The following C12orf60 variants were observed in gnomAD, a reference collection of about 807,000 sequenced individuals.
The protein encoded by C12orf60 is chromosome 12 open reading frame 60, also known as uncharacterized protein C12orf60.
For synonymous variants in C12orf60, 102 were observed against 94.6 expected, an observed-to-expected ratio of 1.08 and a Z score of -0.45; for missense variants, 284 against 283.2, an observed-to-expected ratio of 1.00 and a Z score of -0.02.
At chr12:14,808,232 G>A (rs983606070) in intron 1 of C12orf60, among the ~76,000 whole-genome samples, 6 of 152,120 alleles carry the variant, frequency 3.9e-5, no homozygotes, top group Admixed American at 2.0e-4. Context: ...AGACTTCAGT[G>A]TTTGTCCTTT....
At chr12:14,807,670 A>T (rs1241027901) in intron 1 of C12orf60, among the ~76,000 whole-genome samples, 1 of 152,114 alleles carries the variant, frequency 6.6e-6, no homozygotes, top group Non-Finnish European at 1.5e-5. Context: ...TATATTCAAG[A>T]CTCTTTGGAT....
intron 1 of C12orf60, among the ~76,000 whole-genome samples, chr12:14,822,180 GCAGAGCC>G (rs1437003280): frequency 6.8e-6 from 1 of 147,538 alleles, no homozygotes; most frequent in East Asian, 2.0e-4. Context: ...GATCTGCCCG[GCAGAGCC>G]CCTGCACCTG....
At chr12:14,818,647 G>C (rs1402454106) in intron 1 of C12orf60, among the ~76,000 whole-genome samples, 1 of 152,158 alleles carries the variant, frequency 6.6e-6, no homozygotes. Flanking sequence ...GGACATGGTG[G>C]TGTGTGCCTG....
At chr12:14,806,314 C>T in intron 1 of C12orf60, 1 of 1,614,250 alleles carries the variant, frequency 6.2e-7, no homozygotes, top group Non-Finnish European at 8.5e-7. Context: ...GATGTAGCTT[C>T]TCCCAGGATG....
intron 1 of C12orf60, among the ~76,000 whole-genome samples, chr12:14,819,230 A>T (rs542116422): frequency 8.5e-5 from 13 of 152,172 alleles, no homozygotes; most frequent in Admixed American, 1.3e-4. Flanking sequence ...TTATTTTTTT[A>T]AAATCTTAGT....
At chr12:14,806,532 C>T in intron 1 of C12orf60, 1 of 1,614,110 alleles carries the variant, frequency 6.2e-7, no homozygotes, top group Non-Finnish European at 8.5e-7. Flanking sequence ...GGAGGCCAGC[C>T]TGCACCCCAA....
chr12:14,806,509 T>G, intron 1 of C12orf60: 2 of 1,614,172 alleles, frequency 1.2e-6, no homozygotes, highest in Non-Finnish European at 8.5e-7. Flanking sequence ...GTCCCATCTC[T>G]TTTCATCTCA....
intron 1 of C12orf60, among the ~76,000 whole-genome samples, chr12:14,814,624 CA>C (rs1255378913): frequency 6.6e-6 from 1 of 152,132 alleles, no homozygotes; most frequent in African/African-American, 2.4e-5. Context: ...TACTTGCATC[CA>C]ATTTTTTTTT....
intron 1 of C12orf60, among the ~76,000 whole-genome samples, chr12:14,818,882 G>A (rs1057139819): frequency 1.3e-5 from 2 of 152,160 alleles, no homozygotes; most frequent in Non-Finnish European, 2.9e-5. Context: ...ATACTACACT[G>A]TCTCAATTAC....
chr12:14,822,520 T>G (rs1207522874), intron 1 of C12orf60, among the ~76,000 whole-genome samples: 1 of 152,234 alleles, frequency 6.6e-6, no homozygotes, highest in Non-Finnish European at 1.5e-5. Flanking sequence ...AAAGATCAGA[T>G]GGAGTGTGCT....
rs1950342935 is a variant in C12orf60 at position 14,823,732 on chromosome 12, A to C, written c.*59A>C. The C allele has an allele frequency of 6.9e-7, 1 of 1,458,506 alleles. No homozygotes were observed. Among genetic ancestry groups the C allele is most frequent in the African/African-American group, 1.4e-5 (1 of 70,672 alleles). 90.3% of individuals were successfully genotyped at this position (1,458,506 alleles called of 1,614,324 possible). ...ACTACTTAAAATCTTATGGTTTTTCATAGTAGTTTCTAAGATCTTTTGGTG... is the reference window on the plus strand; with the variant it reads ...ACTACTTAAAATCTTATGGTTTTTCCTAGTAGTTTCTAAGATCTTTTGGTG... On this transcript the variant is annotated 3_prime_UTR_variant, in exon 2 of 2. Transcript: ENST00000330828.
intron 1 of C12orf60, chr12:14,805,874 C>T: frequency 2.1e-6 from 2 of 933,696 alleles, no homozygotes; most frequent in South Asian, 3.5e-5. Context: ...CTCCAGTTTC[C>T]CTCTCCAAAT....
chr12:14,818,763 C>T (rs1950263125), intron 1 of C12orf60, among the ~76,000 whole-genome samples: 1 of 152,132 alleles, frequency 6.6e-6, no homozygotes, highest in Non-Finnish European at 1.5e-5. Context: ...AGCCTGGTGA[C>T]AGAGCAAGAC....
chr12:14,816,378 G>T (rs1312146087), intron 1 of C12orf60, among the ~76,000 whole-genome samples: 2 of 151,618 alleles, frequency 1.3e-5, no homozygotes, highest in African/African-American at 2.4e-5. Flanking sequence ...TATATTACAT[G>T]ACCCTGAATA....
chr12:14,820,239 TTCTC>T (rs1473618794), intron 1 of C12orf60, among the ~76,000 whole-genome samples: 5 of 152,046 alleles, frequency 3.3e-5, no homozygotes, highest in South Asian at 2.1e-4. Flanking sequence ...GTAATTTGTG[TTCTC>T]TCTCCTTTTT....
At chr12:14,815,198 C>G (rs1403792775) in intron 1 of C12orf60, among the ~76,000 whole-genome samples, 1 of 152,076 alleles carries the variant, frequency 6.6e-6, no homozygotes, top group African/African-American at 2.4e-5. Flanking sequence ...AAGATGCTGC[C>G]CTGTGATTCT....
intron 1 of C12orf60, chr12:14,814,084 G>A (rs1033673789): frequency 4.6e-5 from 7 of 152,178 alleles, no homozygotes; most frequent in African/African-American, 1.4e-4. Context: ...CTGAGAAACA[G>A]AGTATTATAT....
chr12:14,807,484 A>T (rs1009941330), intron 1 of C12orf60, among the ~76,000 whole-genome samples: 1 of 152,158 alleles, frequency 6.6e-6, no homozygotes, highest in Non-Finnish European at 1.5e-5. Context: ...TAACATCTCT[A>T]AATTTACAGG....
At chr12:14,804,922 A>T (rs543981572) in intron 1 of C12orf60, 2 of 152,250 alleles carry the variant, frequency 1.3e-5, no homozygotes, top group Non-Finnish European at 2.9e-5. Flanking sequence ...TCAACAGCAT[A>T]TTAATAATTT....
Sources: allele counts gnomAD v4.1 joint callset (sites outside exome capture counted in the v4.1 genomes callset), GRCh38; gene constraint gnomAD v4.1.1; transcripts MANE v1.5; gene names NCBI Gene and HGNC (gene_info 2026-07-23, HGNC 2026-07-21).